MGMT: variants seen among roughly 807,000 people sequenced by gnomAD.
MGMT encodes the protein O-6-methylguanine-DNA methyltransferase.
In MGMT, 14 loss-of-function variants were observed where a neutral mutation model predicts 15.9. The observed-to-expected ratio is 0.88, with a 90% CI of 0.58 to 1.37. The LOEUF (loss-of-function observed/expected upper bound fraction) is 1.37, where lower values mean the gene tolerates loss of function less well. Ranked by LOEUF, MGMT falls within the 40% of genes most tolerant of loss-of-function variation. The pLI is 0.00. For missense variants in MGMT, 282 were observed against 268.1 expected (o/e 1.05, Z -0.36); for synonymous variants, 130 against 118.2 (o/e 1.10, Z -0.65).
At chr10:129,618,695 T>G (rs1564738902) in intron 2 of MGMT, among the ~76,000 whole-genome samples, 1 of 151,042 alleles carries the variant, frequency 6.6e-6, no homozygotes, top group Non-Finnish European at 1.5e-5. Context: ...TACAAATCTT[T>G]TAAATATATT....
At chr10:129,628,238 A>T (rs1248146766) in intron 2 of MGMT, among the ~76,000 whole-genome samples, 1 of 152,212 alleles carries the variant, frequency 6.6e-6, no homozygotes, top group Non-Finnish European at 1.5e-5. Flanking sequence ...AACTTCATGG[A>T]ACTTGCTTCT....
intron 2 of MGMT, among the ~76,000 whole-genome samples, chr10:129,678,730 C>T (rs958649152): frequency 2.0e-5 from 3 of 152,124 alleles, no homozygotes; most frequent in Non-Finnish European, 2.9e-5. Context: ...GCTACGTGTG[C>T]ACCGGGTGTA....
chr10:129,593,486 C>A (rs1028253793), intron 2 of MGMT, among the ~76,000 whole-genome samples: 28 of 152,244 alleles, frequency 1.8e-4, no homozygotes, highest in African/African-American at 6.8e-4. Flanking sequence ...GAGGGAGCCC[C>A]TGGCTTCTTA....
chr10:129,743,057 C>T (rs1848654725), intron 3 of MGMT, among the ~76,000 whole-genome samples: 2 of 152,214 alleles, frequency 1.3e-5, no homozygotes, highest in South Asian at 4.1e-4. Flanking sequence ...CACCTAATCA[C>T]TGTCTTCCCT....
chr10:129,530,640 C>T (rs531419583), intron 1 of MGMT, among the ~76,000 whole-genome samples: 1 of 152,342 alleles, frequency 6.6e-6, no homozygotes, highest in East Asian at 1.9e-4. Flanking sequence ...ACAGAGCTGC[C>T]AGAGGGAGCC....
At chr10:129,523,278 C>T (rs140362099) in intron 1 of MGMT, among the ~76,000 whole-genome samples, 1,945 of 152,360 alleles carry the variant, frequency 0.013, 19 homozygotes, top group African/African-American at 0.025. Flanking sequence ...CCAGGCCACA[C>T]GGCCGGGGCA....
rs549917449 is a variant in MGMT at position 129,489,291 on chromosome 10, C to T, written c.-13+21995C>T. The stretch of plus-strand genomic sequence containing the variant: ...AGGGGAATTGCATGAACCCGGGAAG[C>T]GGAGGTTGCAGTGAGCTGAGATAGC... On this transcript the variant is annotated intron_variant, in intron 1 of 4. Coordinates refer to ENST00000651593, the MANE Select transcript of MGMT (RefSeq NM_002412.5). Among the ~76,000 whole-genome samples the T allele has an allele frequency of 1.8e-3, 238 of 130,692 alleles. 1 individual carries two copies. Among genetic ancestry groups the T allele is most frequent in the Middle Eastern group, 4.2e-3 (1 of 236 alleles). The allele number at this position is 130,692 out of a possible 152,430, so 85.7% of individuals were successfully genotyped here.
chr10:129,730,649 C>T (rs1024908592), intron 3 of MGMT, among the ~76,000 whole-genome samples: 2 of 152,178 alleles, frequency 1.3e-5, no homozygotes, highest in African/African-American at 4.8e-5. Context: ...TCAGGGATAC[C>T]TTGACTGCGC....
At chr10:129,630,645 A>G (rs1847199536) in intron 2 of MGMT, among the ~76,000 whole-genome samples, 1 of 152,186 alleles carries the variant, frequency 6.6e-6, no homozygotes, top group Non-Finnish European at 1.5e-5. Context: ...CTTCGAACTG[A>G]TAGAAAAAGA....
intron 2 of MGMT, among the ~76,000 whole-genome samples, chr10:129,693,201 A>G (rs1321684958): frequency 6.6e-6 from 1 of 152,190 alleles, no homozygotes; most frequent in Non-Finnish European, 1.5e-5. Flanking sequence ...CAGGTGGAGG[A>G]TTTCCAGGCG....
At chr10:129,682,164 A>T (rs912962764) in intron 2 of MGMT, among the ~76,000 whole-genome samples, 5 of 152,068 alleles carry the variant, frequency 3.3e-5, no homozygotes, top group African/African-American at 1.2e-4. Flanking sequence ...AGAAAGGAAA[A>T]CTTATGTCCA....
At chr10:129,716,967 C>T (rs185120925) in intron 3 of MGMT, among the ~76,000 whole-genome samples, 19 of 152,322 alleles carry the variant, frequency 1.2e-4, no homozygotes, top group Admixed American at 2.6e-4. Flanking sequence ...GCCGCATTGA[C>T]GCATGCATAA....
At chr10:129,752,856 G>A (rs891285463) in intron 3 of MGMT, among the ~76,000 whole-genome samples, 2 of 152,026 alleles carry the variant, frequency 1.3e-5, no homozygotes, top group Non-Finnish European at 2.9e-5. Flanking sequence ...GAGGAAAATA[G>A]CCTGTAATAG....
At chr10:129,599,237 T>C (rs772852464) in intron 2 of MGMT, among the ~76,000 whole-genome samples, 4 of 152,190 alleles carry the variant, frequency 2.6e-5, no homozygotes, top group African/African-American at 7.2e-5. Flanking sequence ...AACTCAGTGA[T>C]TGGCACAAGA....
chr10:129,669,032 T>C (rs984351673), intron 2 of MGMT, among the ~76,000 whole-genome samples: 6 of 152,230 alleles, frequency 3.9e-5, no homozygotes, highest in African/African-American at 1.4e-4. Flanking sequence ...TAATCTATTG[T>C]AAGTGTTATG....
chr10:129,761,900 G>A (rs1848878275), intron 4 of MGMT, among the ~76,000 whole-genome samples: 1 of 152,242 alleles, frequency 6.6e-6, no homozygotes, highest in East Asian at 1.9e-4. Flanking sequence ...GGTACCCACA[G>A]ACGCCTCAAA....
intron 2 of MGMT, among the ~76,000 whole-genome samples, chr10:129,632,998 A>G (rs1415732045): frequency 1.3e-5 from 2 of 152,236 alleles, no homozygotes; most frequent in Non-Finnish European, 2.9e-5. Flanking sequence ...GCTGTTTTTC[A>G]TCATTGTATT....
At chr10:129,622,936 C>T (rs955505150) in intron 2 of MGMT, among the ~76,000 whole-genome samples, 6 of 152,262 alleles carry the variant, frequency 3.9e-5, no homozygotes, top group South Asian at 2.1e-4. Flanking sequence ...GCAGGATCTA[C>T]GTGGGCCGAG....
At chr10:129,505,025 A>G (rs1845610356) in intron 1 of MGMT, among the ~76,000 whole-genome samples, 2 of 152,194 alleles carry the variant, frequency 1.3e-5, no homozygotes, top group South Asian at 2.1e-4. Context: ...CCAACTTTGG[A>G]AAGTGTTATA....
Sources: gnomAD v4.1 joint callset for allele counts (sites outside exome capture counted in the v4.1 genomes callset) on GRCh38, gnomAD v4.1.1 for gene constraint, MANE v1.5 for transcripts, NCBI Gene and HGNC (gene_info 2026-07-23, HGNC 2026-07-21) for gene names.